RBFOX1: variants seen among roughly 807,000 people sequenced by gnomAD.
The protein encoded by RBFOX1 is RNA binding protein fox-1 homolog 1.
A neutral mutation model predicts 57.7 loss-of-function variants in RBFOX1; 8 were observed. The observed-to-expected ratio is 0.14, with a 90% CI of 0.08 to 0.25. The LOEUF (loss-of-function observed/expected upper bound fraction) is 0.25. Ranked by LOEUF, RBFOX1 falls within the 10% of genes least tolerant of loss-of-function variation. The pLI, the probability that RBFOX1 is intolerant of heterozygous loss-of-function variation, is 1.00. For synonymous variants in RBFOX1, 326 were observed against 222.4 expected (o/e 1.47, Z -4.15); for missense variants, 611 against 548.5 (o/e 1.11, Z -1.14).
intron 2 of RBFOX1, among the ~76,000 whole-genome samples, chr16:6,605,021 T>C (rs1160258172): frequency 6.6e-6 from 1 of 151,978 alleles, no homozygotes; most frequent in Non-Finnish European, 1.5e-5. Context: ...ATTTATAGTG[T>C]GTGCATATAT....
chr16:6,273,379 T>C (rs1359753304), intron 1 of RBFOX1, among the ~76,000 whole-genome samples: 2 of 145,736 alleles, frequency 1.4e-5, no homozygotes, highest in African/African-American at 5.0e-5. Flanking sequence ...AGTTTCACTG[T>C]TGTTGCCCAG....
intron 4 of RBFOX1, among the ~76,000 whole-genome samples, chr16:7,175,167 A>T (rs559552425): frequency 7.9e-5 from 12 of 152,064 alleles, no homozygotes; most frequent in Admixed American, 5.9e-4. Flanking sequence ...CCCAGCATGC[A>T]TTAGCTCTTT....
intron 4 of RBFOX1, among the ~76,000 whole-genome samples, chr16:7,370,555 G>T (rs1271190324): frequency 6.6e-6 from 1 of 152,084 alleles, no homozygotes; most frequent in Non-Finnish European, 1.5e-5. Context: ...CTCCTCTAAA[G>T]GGCATGCTTG....
intron 4 of RBFOX1, among the ~76,000 whole-genome samples, chr16:7,508,410 G>T (rs1353201048): frequency 6.6e-6 from 1 of 152,188 alleles, no homozygotes; most frequent in Non-Finnish European, 1.5e-5. Context: ...TGGCCTCTCA[G>T]TTGAGGACAA....
chr16:6,076,919 C>G (rs986357123), intron 1 of RBFOX1, among the ~76,000 whole-genome samples: 1 of 152,192 alleles, frequency 6.6e-6, no homozygotes, highest in Admixed American at 6.5e-5. Flanking sequence ...AGCCAATGGT[C>G]AAGTTTGTTG....
chr16:5,809,824 G>A (rs1246851727), intron 3 of RBFOX1, among the ~76,000 whole-genome samples: 1 of 151,982 alleles, frequency 6.6e-6, no homozygotes. Flanking sequence ...CCCATTACTG[G>A]GTATATACCC....
intron 2 of RBFOX1, among the ~76,000 whole-genome samples, chr16:6,531,629 G>A (rs528280999): frequency 7.2e-5 from 11 of 152,206 alleles, no homozygotes; most frequent in Admixed American, 3.9e-4. Context: ...CTCAGTGTAC[G>A]AATGACCCAT....
At chr16:7,670,134 C>T (rs61334334) in intron 13 of RBFOX1, among the ~76,000 whole-genome samples, 1 of 152,116 alleles carries the variant, frequency 6.6e-6, no homozygotes, top group Non-Finnish European at 1.5e-5. Flanking sequence ...CAGGTTCAAG[C>T]AATTCTCCTG....
At chr16:7,393,875 A>T (rs2098090004) in intron 4 of RBFOX1, among the ~76,000 whole-genome samples, 1 of 152,128 alleles carries the variant, frequency 6.6e-6, no homozygotes, top group South Asian at 2.1e-4. Context: ...AGTTAGCTGC[A>T]AACACCCACG....
chr16:6,874,260 A>C (rs2061436840), intron 3 of RBFOX1, among the ~76,000 whole-genome samples: 1 of 152,156 alleles, frequency 6.6e-6, no homozygotes, highest in African/African-American at 2.4e-5. Context: ...TTGTAATCCC[A>C]GCACTTCGGG....
At chr16:6,852,029 C>A (rs574810199) in intron 3 of RBFOX1, among the ~76,000 whole-genome samples, 2 of 151,676 alleles carry the variant, frequency 1.3e-5, no homozygotes. Context: ...GGGTTCATGC[C>A]ATTCTCCTGA....
chr16:7,042,264 A>T (rs899311), intron 3 of RBFOX1, among the ~76,000 whole-genome samples: 25,133 of 152,134 alleles, frequency 0.17, 2,318 homozygotes, highest in African/African-American at 0.24. Context: ...GCTAAGGACA[A>T]GTGAGGCGCA....
intron 3 of RBFOX1, among the ~76,000 whole-genome samples, chr16:6,963,637 C>G (rs1049557251): frequency 6.6e-6 from 1 of 152,042 alleles, no homozygotes; most frequent in African/African-American, 2.4e-5. Context: ...TCCAGGGGTG[C>G]CAGAGATTAT....
At chr16:7,518,642 C>A (rs1340905340) in intron 5 of RBFOX1, among the ~76,000 whole-genome samples, 1 of 152,268 alleles carries the variant, frequency 6.6e-6, no homozygotes, top group Non-Finnish European at 1.5e-5. Flanking sequence ...ATTTTCTATT[C>A]CTATAGTTTT....
intron 1 of RBFOX1, among the ~76,000 whole-genome samples, chr16:6,241,503 A>T (rs1341633136): frequency 6.6e-6 from 1 of 152,228 alleles, no homozygotes; most frequent in African/African-American, 2.4e-5. Flanking sequence ...CTTTTGAAAG[A>T]TAATTTTCCT....
intron 13 of RBFOX1, among the ~76,000 whole-genome samples, chr16:7,666,943 C>T (rs1224462648): frequency 6.6e-6 from 1 of 152,120 alleles, no homozygotes; most frequent in Non-Finnish European, 1.5e-5. Context: ...TTCTTCCAGT[C>T]CTAAGTTGTC....
At chr16:5,981,785 C>T (rs147433361) in intron 4 of RBFOX1, among the ~76,000 whole-genome samples, 14 of 152,196 alleles carry the variant, frequency 9.2e-5, no homozygotes, top group South Asian at 4.2e-4. Context: ...TGTTTTAAAA[C>T]GGTGGTCCTC....
At chr16:7,282,013 G>T (rs570266390) in intron 4 of RBFOX1, among the ~76,000 whole-genome samples, 24 of 151,580 alleles carry the variant, frequency 1.6e-4, no homozygotes, top group Non-Finnish European at 2.9e-4. Context: ...CCACAGGCGC[G>T]TGCCATCACG....
intron 4 of RBFOX1, among the ~76,000 whole-genome samples, chr16:7,120,958 T>C (rs8061300): frequency 0.26 from 39,301 of 151,360 alleles, 5,181 homozygotes; most frequent in Middle Eastern, 0.32. Flanking sequence ...TGGTTTCATA[T>C]TGAAAAAAAT....
Sources: gnomAD v4.1 joint callset for allele counts (sites outside exome capture counted in the v4.1 genomes callset) on GRCh38, gnomAD v4.1.1 for gene constraint, MANE v1.5 for transcripts, NCBI Gene and HGNC (gene_info 2026-07-23, HGNC 2026-07-21) for gene names.